Variants in RNF150 observed in about 807,000 individuals in gnomAD.
The protein encoded by RNF150 is ring finger protein 150.
Under a neutral mutation model 39.3 loss-of-function variants are expected in RNF150, and 24 were observed. The ratio of observed to expected loss-of-function variants is 0.61; its 90% CI spans 0.44 to 0.86. RNF150 has a LOEUF of 0.86. Ranked by LOEUF, RNF150 falls within the 40% of genes least tolerant of loss-of-function variation. The probability of loss-of-function intolerance (pLI) is 0.00; values close to 1 mark genes in which losing one functional copy is unlikely to be tolerated. For missense variants in RNF150, 502 were observed against 587.8 expected (o/e 0.85, Z 1.51); for synonymous variants, 255 against 227.3 (o/e 1.12, Z -1.10).
intron 5 of RNF150, among the ~76,000 whole-genome samples, chr4:140,921,881 G>C (rs191898328): frequency 0.011 from 1,638 of 151,942 alleles, 38 homozygotes; most frequent in Admixed American, 0.054. Context: ...ATGATTATCT[G>C]AATAGATGCA....
chr4:141,097,745 G>A (rs79638897), intron 1 of RNF150, among the ~76,000 whole-genome samples: 13,713 of 151,794 alleles, frequency 0.09, 778 homozygotes, highest in South Asian at 0.19. Flanking sequence ...TTTGTAAACT[G>A]CTTGTTTTTA....
chr4:140,909,387 T>TTATATTGTCTTAATAGTTTTAAA (rs1299472021), intron 6 of RNF150, among the ~76,000 whole-genome samples: 2 of 152,166 alleles, frequency 1.3e-5, no homozygotes, highest in Non-Finnish European at 2.9e-5. Context: ...AAACATAACT[T>TTATATTGTCTTAATAGTTTTAAA]TATATTGTCT....
intron 1 of RNF150, 99 bp from the exon 2 acceptor site, chr4:140,967,972 G>A: frequency 4.7e-6 from 5 of 1,053,858 alleles, no homozygotes; most frequent in South Asian, 3.1e-5. Flanking sequence ...AACCAAATAA[G>A]GACAGTACTT....
chr4:141,029,132 A>G (rs1032817399), intron 1 of RNF150, among the ~76,000 whole-genome samples: 3 of 152,216 alleles, frequency 2.0e-5, no homozygotes, highest in Admixed American at 1.3e-4. Flanking sequence ...TTGTGAATAC[A>G]TTGATATGCC....
intron 5 of RNF150, among the ~76,000 whole-genome samples, chr4:140,922,125 C>T (rs1430259866): frequency 3.9e-5 from 6 of 151,910 alleles, no homozygotes; most frequent in African/African-American, 7.3e-5. Flanking sequence ...CCAGGGCATT[C>T]AGGCAGGAGA....
At chr4:141,029,753 A>G (rs1560697754) in intron 1 of RNF150, among the ~76,000 whole-genome samples, 1 of 152,246 alleles carries the variant, frequency 6.6e-6, no homozygotes, top group Non-Finnish European at 1.5e-5. Context: ...GAATGTGAGA[A>G]AATATTTGCA....
chr4:141,063,186 TTATAC>T (rs1000139252), intron 1 of RNF150, among the ~76,000 whole-genome samples: 4 of 152,364 alleles, frequency 2.6e-5, no homozygotes, highest in African/African-American at 9.6e-5. Flanking sequence ...ATTTATGAAC[TTATAC>T]TATAAATATG....
At chr4:141,170,956 A>G (rs1338159698) in intron 1 of RNF150, among the ~76,000 whole-genome samples, 1 of 152,210 alleles carries the variant, frequency 6.6e-6, no homozygotes, top group Non-Finnish European at 1.5e-5. Flanking sequence ...ATTAATGCAC[A>G]GTACATCCAA....
At chr4:141,103,271 T>A (rs113848991) in intron 1 of RNF150, among the ~76,000 whole-genome samples, 2 of 152,212 alleles carry the variant, frequency 1.3e-5, no homozygotes, top group African/African-American at 4.8e-5. Flanking sequence ...TAGATCCTCA[T>A]GGATTTATGT....
At chr4:141,186,466 T>C (rs1305502320) in intron 1 of RNF150, among the ~76,000 whole-genome samples, 1 of 152,184 alleles carries the variant, frequency 6.6e-6, no homozygotes, top group Non-Finnish European at 1.5e-5. Context: ...TGGCACGATC[T>C]CGGCTCACTG....
chr4:141,126,957 A>G (rs1726770204), intron 1 of RNF150, among the ~76,000 whole-genome samples: 1 of 152,192 alleles, frequency 6.6e-6, no homozygotes, highest in Admixed American at 6.5e-5. Flanking sequence ...ATAGAGATGC[A>G]TTCATGCAAG....
At chr4:141,054,105 G>A (rs1736880258) in intron 1 of RNF150, among the ~76,000 whole-genome samples, 3 of 151,992 alleles carry the variant, frequency 2.0e-5, no homozygotes. Context: ...TCTAATCTAT[G>A]TCCGTAAGTC....
At chr4:140,940,554 C>T (rs1174529508) in intron 4 of RNF150, among the ~76,000 whole-genome samples, 1 of 152,124 alleles carries the variant, frequency 6.6e-6, no homozygotes, top group African/African-American at 2.4e-5. Context: ...AGGAGATCAG[C>T]AAGACTTGTT....
intron 1 of RNF150, among the ~76,000 whole-genome samples, chr4:141,199,674 C>T (rs1326381767): frequency 6.6e-6 from 1 of 152,158 alleles, no homozygotes; most frequent in Non-Finnish European, 1.5e-5. Flanking sequence ...AGAGGATTGG[C>T]AGAGGGCTGA....
At chr4:141,095,316 C>T (rs945312363) in intron 1 of RNF150, among the ~76,000 whole-genome samples, 6 of 152,032 alleles carry the variant, frequency 3.9e-5, no homozygotes, top group Non-Finnish European at 7.4e-5. Context: ...CCCAGAAGAC[C>T]GGGGCAGGCA....
chr4:140,875,347 TA>T (rs1037458562), intron 6 of RNF150, among the ~76,000 whole-genome samples: 3 of 152,150 alleles, frequency 2.0e-5, no homozygotes, highest in Admixed American at 1.3e-4. Flanking sequence ...CTAATTAAAA[TA>T]TTTTTTTTCA....
intron 5 of RNF150, among the ~76,000 whole-genome samples, chr4:140,925,642 G>A (rs1731368183): frequency 1.3e-5 from 2 of 152,142 alleles, no homozygotes; most frequent in African/African-American, 4.8e-5. Context: ...TGATGCAAGA[G>A]GTGCTCAGTG....
chr4:141,052,801 T>G (rs1161203375), intron 1 of RNF150, among the ~76,000 whole-genome samples: 1 of 152,224 alleles, frequency 6.6e-6, no homozygotes, highest in Non-Finnish European at 1.5e-5. Context: ...AGCATATTGT[T>G]GGCAGATTTC....
At chr4:141,168,093 A>G (rs1343867222) in intron 1 of RNF150, among the ~76,000 whole-genome samples, 2 of 152,206 alleles carry the variant, frequency 1.3e-5, no homozygotes, top group Non-Finnish European at 2.9e-5. Flanking sequence ...AAAAAAATTT[A>G]CAAGAAAACA....
Sources: gnomAD v4.1 joint callset for allele counts (sites outside exome capture counted in the v4.1 genomes callset) on GRCh38, gnomAD v4.1.1 for gene constraint, MANE v1.5 for transcripts, NCBI Gene and HGNC (gene_info 2026-07-23, HGNC 2026-07-21) for gene names.